The following LRIG1 variants were observed in gnomAD, a reference collection of about 807,000 sequenced individuals.
LRIG1 encodes the protein leucine-rich repeats and immunoglobulin-like domains protein 1.
In LRIG1, 48 loss-of-function variants were observed where a neutral mutation model predicts 99.2. The ratio of observed to expected loss-of-function variants is 0.48; its 90% CI spans 0.38 to 0.62. LRIG1 has a LOEUF of 0.62. Among genes scored for constraint, LRIG1 ranks in the 20% least tolerant of loss-of-function variants. The probability of loss-of-function intolerance (pLI) is 0.00; values close to 1 mark genes in which losing one functional copy is unlikely to be tolerated. For missense variants in LRIG1, 1,646 were observed against 1,434.4 expected, an observed-to-expected ratio of 1.15 and a Z score of -2.38; for synonymous variants, 772 against 596.1, an observed-to-expected ratio of 1.29 and a Z score of -4.30.
At chr3:66,497,122 T>TAAA (rs1023569334) in intron 1 of LRIG1, among the ~76,000 whole-genome samples, 3 of 152,246 alleles carry the variant, frequency 2.0e-5, no homozygotes, top group Non-Finnish European at 4.4e-5. Flanking sequence ...ATCCTTGCTT[T>TAAA]AGAATGCTCT....
chr3:66,428,400 A>G (rs1324040282), intron 3 of LRIG1, among the ~76,000 whole-genome samples: 2 of 152,184 alleles, frequency 1.3e-5, no homozygotes. Flanking sequence ...GGGGCCACCG[A>G]ACATGGCCAA....
chr3:66,386,650 C>G (rs1034205615), intron 12 of LRIG1: 1 of 223,004 alleles, frequency 4.5e-6, no homozygotes, highest in African/African-American at 2.3e-5. Context: ...CTGGTCATGA[C>G]TGCAGAGATC....
At position 66,500,481 on chromosome 3, in the gene LRIG1, C is replaced by A; in HGVS notation, c.-74G>T. Reference sequence around the variant, plus strand: ...CGAACGGCCGCAGACGCGGGCGGGCCCGCGGGGCGCTCCGCTCGGCTCTAG... The same window carrying A: ...CGAACGGCCGCAGACGCGGGCGGGCACGCGGGGCGCTCCGCTCGGCTCTAG... On this transcript the variant is annotated 5_prime_UTR_variant, in exon 1 of 19. Transcript: ENST00000273261. 1.2e-6 allele frequency: 1 copy of A among 857,738 alleles called. No individual in the cohort carries two copies. The highest frequency in any genetic ancestry group is 3.0e-5 in the South Asian group (1 of 33,762). The allele number at this position is 857,738 out of a possible 1,614,324, so 53.1% of individuals were successfully genotyped here.
chr3:66,455,973 C>T (rs1418660278), intron 2 of LRIG1, among the ~76,000 whole-genome samples: 7 of 152,256 alleles, frequency 4.6e-5, no homozygotes, highest in Admixed American at 4.6e-4. Context: ...GACATGCTAA[C>T]ACTTTGAGGA....
At chr3:66,466,465 G>A (rs2106851537) in intron 1 of LRIG1, among the ~76,000 whole-genome samples, 1 of 152,298 alleles carries the variant, frequency 6.6e-6, no homozygotes, top group Non-Finnish European at 1.5e-5. Context: ...GAATGATGTT[G>A]CTATCAACAT....
chr3:66,483,279 T>G (rs934744870), intron 1 of LRIG1, among the ~76,000 whole-genome samples: 1 of 152,208 alleles, frequency 6.6e-6, no homozygotes, highest in East Asian at 1.9e-4. Flanking sequence ...GGGTTCGCAG[T>G]GCTCTCTCTG....
intron 4 of LRIG1, among the ~76,000 whole-genome samples, chr3:66,415,328 G>A (rs1426937223): frequency 1.3e-5 from 2 of 152,142 alleles, no homozygotes; most frequent in African/African-American, 4.8e-5. Flanking sequence ...CACCCCAAGA[G>A]GGTGGGAGTG....
intron 8 of LRIG1, chr3:66,405,727 G>C (rs1303395685): frequency 2.7e-6 from 3 of 1,117,876 alleles, no homozygotes; most frequent in Non-Finnish European, 3.3e-6. Flanking sequence ...ACCCGGCACA[G>C]GGCCGGCCCG....
intron 1 of LRIG1, among the ~76,000 whole-genome samples, chr3:66,487,313 G>A (rs747800267): frequency 6.6e-6 from 1 of 152,154 alleles, no homozygotes; most frequent in East Asian, 1.9e-4. Flanking sequence ...CAGACCCTCA[G>A]CACAAAGAAA....
chr3:66,447,412 T>A (rs1703764904), intron 3 of LRIG1, among the ~76,000 whole-genome samples: 1 of 152,052 alleles, frequency 6.6e-6, no homozygotes, highest in Admixed American at 6.5e-5. Context: ...TCAAAAACAT[T>A]TTTTCAAGAT....
At chr3:66,456,282 G>A (rs1177826429) in intron 2 of LRIG1, among the ~76,000 whole-genome samples, 2 of 152,180 alleles carry the variant, frequency 1.3e-5, no homozygotes, top group Non-Finnish European at 2.9e-5. Context: ...CACAGGATAT[G>A]CTTAAGAGAT....
At chr3:66,491,219 A>C (rs1701094340) in intron 1 of LRIG1, among the ~76,000 whole-genome samples, 1 of 152,186 alleles carries the variant, frequency 6.6e-6, no homozygotes, top group Admixed American at 6.5e-5. Context: ...CTCAATTCAG[A>C]CTCATGACTT....
chr3:66,486,590 T>C (rs1700980196), intron 1 of LRIG1, among the ~76,000 whole-genome samples: 1 of 152,218 alleles, frequency 6.6e-6, no homozygotes, highest in African/African-American at 2.4e-5. Flanking sequence ...CAAGTCACAA[T>C]CGACTCAACT....
Position 66,500,456 on chromosome 3 carries a change from C to T in LRIG1, c.-49G>A. On this transcript the variant is annotated 5_prime_UTR_variant, in exon 1 of 19. Transcript: ENST00000273261. The stretch of plus-strand genomic sequence containing the variant: ...TCCGGGCGCGGGGACTGTGAGGACC[C>T]GAACGGCCGCAGACGCGGGCGGGCC... The T allele has an allele frequency of 8.4e-7, 1 of 1,184,948 alleles. No individual in the cohort carries two copies. Among genetic ancestry groups the T allele is most frequent in the Non-Finnish European group, 1.1e-6 (1 of 918,624 alleles). 73.4% of individuals were successfully genotyped at this position (1,184,948 alleles called of 1,614,324 possible).
In LRIG1 at chr3:66,383,272, C is replaced by T. The variant is rs746824780; in HGVS notation, c.2201G>A (p.Ser734Asn). ...GGTCAAGTGGTGCCGCTCAGTGAGG[C>T]TCAGCGGGCGGTCCCCCTTGAACCA... ...ITWFKGDRPL[S>N]LTERHHLTPD... Residue 734 changes from serine to asparagine, a missense_variant, in exon 15 of 19, where the codon AGC (serine) becomes AAC (asparagine). Physicochemically the swap from Ser to Asn is conservative, Grantham distance 46. Transcript: ENST00000273261. The T allele has an allele frequency of 1.7e-5, 28 of 1,613,848 alleles. No homozygotes were observed. Among genetic ancestry groups the T allele is most frequent in the Non-Finnish European group, 2.2e-5 (26 of 1,179,816 alleles).
In LRIG1 at chr3:66,380,635, G is replaced by A. The variant is rs140051529; in HGVS notation, c.2997C>T (p.Asn999=). Residue 999 remains asparagine, a synonymous_variant, in exon 18 of 19, where the codon AAC becomes AAT. Coordinates refer to ENST00000273261, the MANE Select transcript of LRIG1 (RefSeq NM_015541.3). ...TCACAGCCGTCAGCATTCTATCGTGGTTACTGGGGTAGAGCGACCCTTGGC... is the reference window on the plus strand; with the variant it reads ...TCACAGCCGTCAGCATTCTATCGTGATTACTGGGGTAGAGCGACCCTTGGC... ...PECQGSLYPS[N]HDRMLTAVKK... The A allele has an allele frequency of 3.1e-6, 5 of 1,614,226 alleles. No homozygotes were observed. In the Admixed American group the frequency reaches 8.3e-5, roughly 27 times the overall value.
rs1298429558 is a variant in LRIG1 at position 66,394,149 on chromosome 3, C to A, written c.1359G>T (p.Pro453=). 1.9e-6 allele frequency: 3 copies of A among 1,610,344 alleles called. No individual in the cohort carries two copies. Among genetic ancestry groups the A allele is most frequent in the Non-Finnish European group, 2.5e-6 (3 of 1,178,620 alleles). The part of the protein sequence containing the change: ...LCDCQLKWLP[P]WLIGRMLQAF... ...CCTGCAGCATCCTGCCAATTAGCCA[C>A]GGGGGCAGCCACTTCAGCTGGCAGT... The change falls in exon 12 of 19, where the codon CCG becomes CCT. Residue 453 remains proline (P), a synonymous_variant. Coordinates refer to ENST00000273261, the MANE Select transcript of LRIG1 (RefSeq NM_015541.3).
At chr3:66,497,682 TCC>T (rs1701257891) in intron 1 of LRIG1, among the ~76,000 whole-genome samples, 1 of 118,078 alleles carries the variant, frequency 8.5e-6, no homozygotes, top group Non-Finnish European at 1.6e-5. Flanking sequence ...AGAAGCAACT[TCC>T]ACATCAGACG....
At position 66,453,769 on chromosome 3, in the gene LRIG1, T is replaced by TA. The variant is rs147810619; in HGVS notation, c.291-2137dup. 4.3e-3 allele frequency among the ~76,000 whole-genome samples: 652 copies of TA among 152,300 alleles called. 7 individuals carry two copies. Among genetic ancestry groups the TA allele is most frequent in the African/African-American group, 0.015 (621 of 41,550 alleles). Reference sequence around the variant, plus strand: ...GCTGGAAAGCTCATAATCCCTTAGGTAACAGCACAGTTGTTTTTCAGCCAG... The same window carrying TA: ...GCTGGAAAGCTCATAATCCCTTAGGTAAACAGCACAGTTGTTTTTCAGCCAG... On this transcript the variant is annotated intron_variant, in intron 2 of 18. Transcript: ENST00000273261.
Sources: gnomAD v4.1 joint callset for allele counts (sites outside exome capture counted in the v4.1 genomes callset) on GRCh38, gnomAD v4.1.1 for gene constraint, MANE v1.5 for transcripts, NCBI Gene and HGNC (gene_info 2026-07-23, HGNC 2026-07-21) for gene names.